The following FAM135B variants were observed in gnomAD, a reference collection of about 807,000 sequenced individuals.
FAM135B encodes protein FAM135B.
Under a neutral mutation model 127.7 loss-of-function variants are expected in FAM135B, and 43 were observed. That is an observed-to-expected ratio of 0.34 (90% CI 0.26 to 0.43). The LOEUF (loss-of-function observed/expected upper bound fraction) is 0.43, where lower values mean the gene tolerates loss of function less well. Ranked by LOEUF, FAM135B falls within the 20% of genes least tolerant of loss-of-function variation. The probability of loss-of-function intolerance (pLI) is 1.00; values close to 1 mark genes in which losing one functional copy is unlikely to be tolerated. For missense variants in FAM135B, 1,558 were observed against 1,725.6 expected (o/e 0.90, Z 1.72); for synonymous variants, 670 against 665.1 (o/e 1.01, Z -0.11).
chr8:138,278,242 A>C (rs1243561030), intron 3 of FAM135B, among the ~76,000 whole-genome samples: 1 of 64 alleles, frequency 0.016, no homozygotes, highest in Non-Finnish European at 0.062. Flanking sequence ...TAACTGGCTA[A>C]GCCTTGGCCT....
At chr8:138,231,428 C>T (rs947755319) in intron 7 of FAM135B, among the ~76,000 whole-genome samples, 1 of 152,192 alleles carries the variant, frequency 6.6e-6, no homozygotes, top group Non-Finnish European at 1.5e-5. Flanking sequence ...TTTAACATAA[C>T]CGTTGTCCAC....
At chr8:138,426,018 C>CATATAT (rs1259933522) in intron 1 of FAM135B, among the ~76,000 whole-genome samples, 4 of 102,004 alleles carry the variant, frequency 3.9e-5, no homozygotes, top group Middle Eastern at 5.1e-3. Flanking sequence ...TATATACACA[C>CATATAT]ACATACATAT....
chr8:138,177,724 C>G (rs192653350), intron 10 of FAM135B, among the ~76,000 whole-genome samples: 83 of 152,248 alleles, frequency 5.5e-4, no homozygotes, highest in African/African-American at 2.0e-3. Context: ...GAATATAAGA[C>G]CTCTGTGAAC....
chr8:138,423,391 G>C (rs989529353), intron 1 of FAM135B, among the ~76,000 whole-genome samples: 1 of 152,146 alleles, frequency 6.6e-6, no homozygotes, highest in African/African-American at 2.4e-5. Flanking sequence ...TTTTCCCTAA[G>C]CATCAGCCAG....
intron 3 of FAM135B, among the ~76,000 whole-genome samples, chr8:138,301,327 C>T (rs6577907): frequency 1 from 152,191 of 152,336 alleles, 76,023 homozygotes; most frequent in Middle Eastern, 1. Flanking sequence ...AGAAAGCGGT[C>T]GTCTTGCCTC....
chr8:138,228,270 C>T (rs956300987), intron 7 of FAM135B, among the ~76,000 whole-genome samples: 2 of 152,010 alleles, frequency 1.3e-5, no homozygotes, highest in African/African-American at 2.4e-5. Context: ...TACTGCTATC[C>T]AAACTTCACT....
chr8:138,248,331 T>C (rs1821440511), intron 6 of FAM135B, among the ~76,000 whole-genome samples: 1 of 152,240 alleles, frequency 6.6e-6, no homozygotes, highest in African/African-American at 2.4e-5. Context: ...TATATGTGTT[T>C]CTGCCACACT....
At chr8:138,308,563 T>C (rs114517079) in intron 3 of FAM135B, among the ~76,000 whole-genome samples, 2,288 of 152,306 alleles carry the variant, frequency 0.015, 44 homozygotes, top group African/African-American at 0.046. Flanking sequence ...TGTGCTACTG[T>C]AAAGCTCAAG....
At chr8:138,296,824 A>G (rs902465665) in intron 3 of FAM135B, among the ~76,000 whole-genome samples, 3 of 152,146 alleles carry the variant, frequency 2.0e-5, no homozygotes, top group Non-Finnish European at 4.4e-5. Flanking sequence ...AAAACCCTAA[A>G]ATTGATTTTT....
intron 1 of FAM135B, among the ~76,000 whole-genome samples, chr8:138,399,105 A>G (rs895399036): frequency 6.6e-6 from 1 of 152,200 alleles, no homozygotes; most frequent in Non-Finnish European, 1.5e-5. Flanking sequence ...GGGTTCTCAT[A>G]GCATTGCATC....
At chr8:138,455,703 G>A (rs1407405119) in intron 1 of FAM135B, among the ~76,000 whole-genome samples, 2 of 152,148 alleles carry the variant, frequency 1.3e-5, no homozygotes, top group Non-Finnish European at 2.9e-5. Flanking sequence ...GGATGGGTAG[G>A]TGGGTATGTG....
At chr8:138,187,484 C>T (rs1386934896) in intron 9 of FAM135B, among the ~76,000 whole-genome samples, 1 of 152,202 alleles carries the variant, frequency 6.6e-6, no homozygotes, top group Non-Finnish European at 1.5e-5. Flanking sequence ...TTCTCTCCCT[C>T]CCATAACCTG....
chr8:138,179,725 G>C (rs1222053545), intron 9 of FAM135B, among the ~76,000 whole-genome samples: 2 of 152,032 alleles, frequency 1.3e-5, no homozygotes, highest in Non-Finnish European at 2.9e-5. Context: ...ACAGGGTCTC[G>C]CTCTGTCACC....
At chr8:138,156,512 T>G (rs1480102717) in intron 12 of FAM135B, among the ~76,000 whole-genome samples, 1 of 69,580 alleles carries the variant, frequency 1.4e-5, no homozygotes, top group East Asian at 8.5e-4. Flanking sequence ...CCAGGAGTTG[T>G]TTTTTTGAAA....
At position 138,143,518 on chromosome 8, in the gene FAM135B, G is replaced by T. The variant is rs944662860; in HGVS notation, c.3541-409C>A. Among the ~76,000 whole-genome samples, 5 of 152,156 alleles carry T rather than the reference G, an allele frequency of 3.3e-5. No individual in the cohort carries two copies. In the South Asian group the frequency reaches 1.0e-3, roughly 32 times the overall value. On this transcript the variant is annotated intron_variant, in intron 15 of 19. Transcript: ENST00000395297. Reference sequence around the variant, plus strand: ...AGACAGGCCTGAATCCAAAGGCCCTGCCCTTTCTGTGGCATAGCCTTTAGA... The same window carrying T: ...AGACAGGCCTGAATCCAAAGGCCCTTCCCTTTCTGTGGCATAGCCTTTAGA...
intron 3 of FAM135B, among the ~76,000 whole-genome samples, chr8:138,272,643 A>G (rs1016240698): frequency 6.6e-6 from 1 of 152,252 alleles, no homozygotes; most frequent in African/African-American, 2.4e-5. Flanking sequence ...CCAGCACTTG[A>G]TAACACTTTA....
At chr8:138,371,804 T>C (rs1469305424) in intron 1 of FAM135B, among the ~76,000 whole-genome samples, 1 of 152,230 alleles carries the variant, frequency 6.6e-6, no homozygotes, top group Non-Finnish European at 1.5e-5. Flanking sequence ...ACTAACTTCC[T>C]ACTACAACCA....
chr8:138,322,023 C>T (rs1042991389), intron 2 of FAM135B, among the ~76,000 whole-genome samples: 21 of 152,278 alleles, frequency 1.4e-4, no homozygotes, highest in African/African-American at 4.1e-4. Flanking sequence ...GAGGGAACCA[C>T]GGAAGGAACA....
chr8:138,260,395 C>T (rs1442543718), intron 4 of FAM135B, among the ~76,000 whole-genome samples: 3 of 152,132 alleles, frequency 2.0e-5, no homozygotes, highest in African/African-American at 7.2e-5. Flanking sequence ...GAATCACGGG[C>T]TTGCAGGAAC....
Sources: gnomAD v4.1 joint callset for allele counts (sites outside exome capture counted in the v4.1 genomes callset) on GRCh38, gnomAD v4.1.1 for gene constraint, MANE v1.5 for transcripts, NCBI Gene and HGNC (gene_info 2026-07-23, HGNC 2026-07-21) for gene names.